DIP2B: variants seen among roughly 807,000 people sequenced by gnomAD.
DIP2B encodes DIP2 acetate--CoA ligase B (putative).
Under a neutral mutation model 198.0 loss-of-function variants are expected in DIP2B, and 76 were observed. That is an observed-to-expected ratio of 0.38 (90% CI 0.32 to 0.46). DIP2B has a LOEUF of 0.46. Among genes scored for constraint, DIP2B ranks in the 20% least tolerant of loss-of-function variants. DIP2B has a pLI of 0.99. For missense variants in DIP2B, 1,559 were observed against 1,978.4 expected, an observed-to-expected ratio of 0.79 and a Z score of 4.02; for synonymous variants, 701 against 739.1, an observed-to-expected ratio of 0.95 and a Z score of 0.84.
chr12:50,525,692 T>C (rs2139357593), intron 1 of DIP2B, among the ~76,000 whole-genome samples: 1 of 152,158 alleles, frequency 6.6e-6, no homozygotes, highest in Non-Finnish European at 1.5e-5. Flanking sequence ...TTTTTATATT[T>C]TGTAGCTACA....
chr12:50,571,502 A>G lies in DIP2B; in HGVS notation c.101-54474A>G, dbSNP rs530266054. Among the ~76,000 whole-genome samples the G allele has an allele frequency of 2.7e-5, 4 of 145,836 alleles. No individual in the cohort carries two copies. The South Asian group carries it at 8.9e-4, about 33-fold the overall frequency. ...GGCAGCCTTTTGAAAGGCTTTGGCTATAGGTAGATGGGAATCGAATTATCT... is the reference window on the plus strand; with the variant it reads ...GGCAGCCTTTTGAAAGGCTTTGGCTGTAGGTAGATGGGAATCGAATTATCT... On this transcript the variant is annotated intron_variant, in intron 1 of 37. Coordinates refer to ENST00000301180, the MANE Select transcript of DIP2B (RefSeq NM_173602.3).
chr12:50,511,312 T>TTTTTTTTTTTTTTTTTA (rs1593565194), intron 1 of DIP2B, among the ~76,000 whole-genome samples: 1 of 143,550 alleles, frequency 7.0e-6, no homozygotes, highest in Non-Finnish European at 1.5e-5. Flanking sequence ...TTTTTTTTTT[T>TTTTTTTTTTTTTTTTTA]GAGACAGGGT....
rs1939131765 is a variant in DIP2B, at chr12:50,686,435, A to G, written c.1442-138A>G. The G allele has an allele frequency of 9.5e-6, 7 of 734,688 alleles. No individual in the cohort carries two copies. In the Admixed American group the frequency reaches 1.2e-4, roughly 13 times the overall value. The allele number at this position is 734,688 out of a possible 1,614,324, so 45.5% of individuals were successfully genotyped here. ...TAATTGTCTGGTGATTTGCCACTAAAAACTAATAAAAACTAAGTATTTTAT... is the reference window on the plus strand; with the variant it reads ...TAATTGTCTGGTGATTTGCCACTAAGAACTAATAAAAACTAAGTATTTTAT... On this transcript the variant is annotated intron_variant, in intron 11 of 37. Transcript: ENST00000301180.
At chr12:50,704,296 T>C in intron 20 of DIP2B, 76 bp downstream of exon 20, 10 of 1,429,686 alleles carry the variant, frequency 7.0e-6, no homozygotes, top group Non-Finnish European at 9.7e-6. Flanking sequence ...ACAGAACAAA[T>C]TCTGATTAGT....
chr12:50,731,877 T>C (rs1940049340), intron 31 of DIP2B, among the ~76,000 whole-genome samples: 2 of 152,212 alleles, frequency 1.3e-5, no homozygotes, highest in South Asian at 4.1e-4. Flanking sequence ...TATTAGGAAT[T>C]CAGAATATCT....
intron 1 of DIP2B, among the ~76,000 whole-genome samples, chr12:50,575,771 T>C (rs1958654434): frequency 6.6e-6 from 1 of 151,386 alleles, no homozygotes; most frequent in Admixed American, 6.6e-5. Flanking sequence ...CCAATATTTT[T>C]TTTTGAGATG....
In DIP2B at chr12:50,691,049, T is replaced by A. The variant is rs1202077441; in HGVS notation, c.1552T>A (p.Tyr518Asn). 2 of 1,613,566 alleles carry A rather than the reference T, an allele frequency of 1.2e-6. No homozygotes were observed. Among genetic ancestry groups the A allele is most frequent in the Non-Finnish European group, 1.7e-6 (2 of 1,179,782 alleles). ...TTATGTTTCTGTTTTTGTTTTCTAG[T>A]ATAAAACAAGCAAAGAAGGGAGTGT... ...PAGTEPAYIE[Y>N]KTSKEGSVMG... Residue 518 changes from tyrosine to asparagine, a missense_variant and splice_region_variant, in exon 13 of 38, where the codon TAT becomes AAT. Physicochemically the swap from Tyr to Asn is moderately radical, Grantham distance 143. Transcript: ENST00000301180.
At chr12:50,684,127 A>C (rs940535083) in intron 10 of DIP2B, among the ~76,000 whole-genome samples, 5 of 152,202 alleles carry the variant, frequency 3.3e-5, no homozygotes, top group African/African-American at 1.2e-4. Context: ...AGAATATAAA[A>C]TAAAATATCA....
chr12:50,655,450 T>G (rs1938538341), intron 3 of DIP2B, among the ~76,000 whole-genome samples: 1 of 152,192 alleles, frequency 6.6e-6, no homozygotes, highest in Non-Finnish European at 1.5e-5. Flanking sequence ...GTTTTGACTT[T>G]TGGAACATGT....
intron 1 of DIP2B, among the ~76,000 whole-genome samples, chr12:50,514,948 A>G (rs1958050490): frequency 6.6e-6 from 1 of 152,060 alleles, no homozygotes; most frequent in Non-Finnish European, 1.5e-5. Flanking sequence ...GTGAGCCACC[A>G]TGCCCAGCCT....
chr12:50,697,041 G>A lies in DIP2B; in HGVS notation c.1934-20G>A. 6.3e-7 allele frequency: 1 copy of A among 1,584,400 alleles called. No homozygotes were observed. Among genetic ancestry groups the A allele is most frequent in the African/African-American group, 1.3e-5 (1 of 74,198 alleles). ...AAAAGCATAATTTCAGCTTCAGGTT[G>A]ATCTGTTCCAACTCCTTAGGGTCCG... On this transcript the variant is annotated intron_variant, in intron 16 of 37. Coordinates refer to ENST00000301180, the MANE Select transcript of DIP2B (RefSeq NM_173602.3).
intron 1 of DIP2B, among the ~76,000 whole-genome samples, chr12:50,540,227 C>A (rs1484419919): frequency 5.3e-5 from 8 of 150,622 alleles, no homozygotes; most frequent in African/African-American, 2.0e-4. Flanking sequence ...TCTGCCTCAG[C>A]CTCCCGAGTA....
intron 1 of DIP2B, among the ~76,000 whole-genome samples, chr12:50,519,863 C>T (rs1958100092): frequency 6.7e-6 from 1 of 150,330 alleles, no homozygotes; most frequent in Non-Finnish European, 1.5e-5. Context: ...TTTTGGAGGA[C>T]TGTTGCTTTT....
At chr12:50,673,913 T>C (rs1565866579) in intron 5 of DIP2B, among the ~76,000 whole-genome samples, 1 of 152,214 alleles carries the variant, frequency 6.6e-6, no homozygotes, top group African/African-American at 2.4e-5. Flanking sequence ...TGATCCAAAT[T>C]ACCTATGGAT....
chr12:50,505,001 T>TGGCGGCGGCGGCGGCGGCGCCGGCGGC lies in DIP2B; in HGVS notation c.-121_-120insCCGGCGGCGGCGGCGGCGGCGGCGGCG. 1.5e-6 allele frequency: 1 copy of TGGCGGCGGCGGCGGCGGCGCCGGCGGC among 650,322 alleles called. No individual in the cohort carries two copies. The highest frequency in any genetic ancestry group is 2.6e-6 in the Non-Finnish European group (1 of 384,764). 40.3% of individuals were successfully genotyped at this position (650,322 alleles called of 1,614,324 possible). ...GTCGCGCTCACGTGACCTTTGCTCA[T>TGGCGGCGGCGGCGGCGGCGCCGGCGGC]GGCGGCGGCGGCGGCGGCGGCGGTG... On this transcript the variant is annotated 5_prime_UTR_variant, in exon 1 of 38. Transcript: ENST00000301180.
intron 21 of DIP2B, among the ~76,000 whole-genome samples, chr12:50,708,089 G>A (rs1312626132): frequency 1.3e-5 from 2 of 151,626 alleles, no homozygotes; most frequent in East Asian, 3.9e-4. Flanking sequence ...GGCGCCCCCC[G>A]AGCCACCCTG....
chr12:50,559,889 C>T (rs1276408741), intron 1 of DIP2B, among the ~76,000 whole-genome samples: 7 of 152,094 alleles, frequency 4.6e-5, no homozygotes, highest in Admixed American at 3.3e-4. Flanking sequence ...TTAATACAAC[C>T]GTTGTTCTTG....
intron 1 of DIP2B, among the ~76,000 whole-genome samples, chr12:50,575,623 A>T (rs11169499): frequency 0.12 from 17,943 of 152,198 alleles, 1,423 homozygotes; most frequent in Non-Finnish European, 0.18. Flanking sequence ...CCTGGGCTCA[A>T]GTGATCTGCC....
intron 26 of DIP2B, among the ~76,000 whole-genome samples, chr12:50,721,894 G>A (rs998646842): frequency 1.3e-5 from 2 of 152,030 alleles, no homozygotes; most frequent in African/African-American, 4.8e-5. Flanking sequence ...AGGTGAGGAA[G>A]CCCTGAGCTT....
Sources: allele counts gnomAD v4.1 joint callset (sites outside exome capture counted in the v4.1 genomes callset), GRCh38; gene constraint gnomAD v4.1.1; transcripts MANE v1.5; gene names NCBI Gene and HGNC (gene_info 2026-07-23, HGNC 2026-07-21).